NAA25: variants seen among roughly 807,000 people sequenced by gnomAD.
The protein encoded by NAA25 is N-alpha-acetyltransferase 25, NatB auxiliary subunit, also known as N-terminal acetyltransferase B complex subunit NAA25.
Under a neutral mutation model 132.5 loss-of-function variants are expected in NAA25, and 30 were observed. The observed-to-expected ratio is 0.23, with a 90% CI of 0.17 to 0.31. The LOEUF (loss-of-function observed/expected upper bound fraction) is 0.31. NAA25 is among the 10% of genes least tolerant of loss of function. The pLI is 1.00. For synonymous variants in NAA25, 359 were observed against 401.9 expected (o/e 0.89, Z 1.28); for missense variants, 771 against 1,150.4 (o/e 0.67, Z 4.77).
At chr12:112,107,974 C>T (rs1403590573) in intron 1 of NAA25, among the ~76,000 whole-genome samples, 1 of 152,124 alleles carries the variant, frequency 6.6e-6, no homozygotes, top group East Asian at 1.9e-4. Context: ...ATCTGCTTAG[C>T]ACAGGGAAGG....
intron 13 of NAA25, among the ~76,000 whole-genome samples, chr12:112,057,523 C>T (rs1032483934): frequency 6.6e-6 from 1 of 152,134 alleles, no homozygotes; most frequent in Non-Finnish European, 1.5e-5. Context: ...TCTCTGATGA[C>T]AAGGATTTCA....
chr12:112,107,393 G>T (rs73412716), intron 1 of NAA25, among the ~76,000 whole-genome samples: 20,482 of 147,746 alleles, frequency 0.14, 1,955 homozygotes, highest in African/African-American at 0.28. Context: ...TTTTTTTTTT[G>T]TTGTTGTTGT....
chr12:112,073,963 T>C (rs2078855400), intron 9 of NAA25, among the ~76,000 whole-genome samples: 1 of 152,074 alleles, frequency 6.6e-6, no homozygotes, highest in African/African-American at 2.4e-5. Flanking sequence ...ATGAAAGATG[T>C]TCAAGATATA....
chr12:112,040,404 C>A (rs1444772343), intron 21 of NAA25, 77 bp downstream of exon 21: 1 of 831,198 alleles, frequency 1.2e-6, no homozygotes, highest in Non-Finnish European at 2.0e-6. Context: ...GTGCCTATTA[C>A]CTGTTCACTG....
intron 5 of NAA25, among the ~76,000 whole-genome samples, chr12:112,079,957 C>T (rs894912128): frequency 7.2e-5 from 11 of 152,008 alleles, no homozygotes; most frequent in African/African-American, 2.2e-4. Context: ...TCCATGCTAC[C>T]CACAAATAAA....
Position 112,048,421 on chromosome 12 carries a change from G to C in NAA25, c.1751C>G (p.Ala584Gly). 1.2e-6 allele frequency: 2 copies of C among 1,613,842 alleles called. No homozygotes were observed. The highest frequency in any genetic ancestry group is 1.7e-6 in the Non-Finnish European group (2 of 1,179,802). The stretch of plus-strand genomic sequence containing the variant: ...CTTCTCAAATGCACCATATTTGTAA[G>C]CTTGAATAATATATTCTGAGGTCTG... ...QKDTSEYIIQ[A>G]YKYGAFEKIP... The change falls in exon 16 of 24, where the codon GCT becomes GGT. Residue 584 changes from alanine to glycine, a missense_variant. Ala to Gly is a moderately conservative substitution (Grantham distance 60). Transcript: ENST00000261745.
At chr12:112,062,342 T>C (rs989277032) in intron 11 of NAA25, among the ~76,000 whole-genome samples, 2 of 148,068 alleles carry the variant, frequency 1.4e-5, no homozygotes, top group Non-Finnish European at 3.0e-5. Flanking sequence ...CAGAGGTTGC[T>C]GTGAGCCAAG....
rs1197790472 is a variant in NAA25 at position 112,040,447 on chromosome 12, A to G, written c.2538+34T>C. 3 of 1,308,894 alleles carry G rather than the reference A, an allele frequency of 2.3e-6. No individual in the cohort carries two copies. The Admixed American group carries it at 5.3e-5, about 23-fold the overall frequency. 81.1% of individuals were successfully genotyped at this position (1,308,894 alleles called of 1,614,324 possible). On this transcript the variant is annotated intron_variant, in intron 21 of 23. Coordinates refer to ENST00000261745, the MANE Select transcript of NAA25 (RefSeq NM_024953.4). ...ATGAATCCTGTAGACCATTAAGAAC[A>G]ACAATGTCTTTTAGGAAGAGAACAA...
In NAA25 at chr12:112,054,466, C is replaced by G. The variant is rs2078514901; in HGVS notation, c.1550G>C (p.Cys517Ser). 1.2e-6 allele frequency: 2 copies of G among 1,614,118 alleles called. No individual in the cohort carries two copies. The highest frequency in any genetic ancestry group is 1.1e-5 in the South Asian group (1 of 91,084). The change falls in exon 14 of 24, where the codon TGT (cysteine) becomes TCT (serine). Residue 517 changes from cysteine (C) to serine (S), a missense_variant. Cys to Ser is a moderately radical substitution (Grantham distance 112, BLOSUM62 -1). This residue lies in a region of NAA25 where 417 missense variants were observed against 733.8 expected (regional missense o/e 0.57). Coordinates refer to ENST00000261745, the MANE Select transcript of NAA25 (RefSeq NM_024953.4). ...CACTGGTTCAAATGCACCCAGCATA[C>G]AGTAGATTCGAACAAGCAGCAATTT... ...QFKLLLVRIY[C>S]MLGAFEPVVD...
At chr12:112,047,564 C>T (rs562880834) in intron 17 of NAA25, 101 bp downstream of exon 17, 3 of 1,378,370 alleles carry the variant, frequency 2.2e-6, no homozygotes, top group Non-Finnish European at 3.0e-6. Flanking sequence ...ACTGCTTCAC[C>T]CAGGAGTTCG....
At position 112,048,318 on chromosome 12, in the gene NAA25, C is replaced by G; in HGVS notation, c.1854G>C (p.Leu618=). Residue 618 remains leucine (L), a synonymous_variant, in exon 16 of 24, where the codon CTG becomes CTC. Transcript: ENST00000261745. ...TATTTGCTTCAAGTAGAAGGTCTAA[C>G]AGCATCCGTTCAGTACGGACTTGTG... ...HFAQVRTERM[L]LDLLLEANIS... is the part of the protein sequence containing the mutation. The G allele has an allele frequency of 6.2e-7, 1 of 1,613,818 alleles. No individual in the cohort carries two copies. Among genetic ancestry groups the G allele is most frequent in the Non-Finnish European group, 8.5e-7 (1 of 1,179,826 alleles).
At chr12:112,047,874 A>G in intron 16 of NAA25, 84 bp from the exon 17 acceptor site, 1 of 1,349,156 alleles carries the variant, frequency 7.4e-7, no homozygotes, top group Admixed American at 2.2e-5. Context: ...GTTTTACTAG[A>G]CAGGAAGGGA....
At chr12:112,106,809 C>T (rs112028427) in intron 1 of NAA25, among the ~76,000 whole-genome samples, 7 of 151,762 alleles carry the variant, frequency 4.6e-5, no homozygotes, top group South Asian at 2.1e-4. Context: ...CAAAAATTAG[C>T]CGGCATGGTG....
At chr12:112,050,677 C>A (rs1231595537) in intron 15 of NAA25, among the ~76,000 whole-genome samples, 1 of 151,782 alleles carries the variant, frequency 6.6e-6, no homozygotes. Context: ...CGCCAACACA[C>A]CCAGATAATT....
chr12:112,070,724 C>T (rs1419707287), intron 10 of NAA25, among the ~76,000 whole-genome samples: 3 of 151,684 alleles, frequency 2.0e-5, no homozygotes, highest in African/African-American at 4.8e-5. Context: ...CACAGGTGCA[C>T]GACACCACGC....
At chr12:112,043,519 T>C in intron 18 of NAA25, 106 bp downstream of exon 18, 1 of 1,306,534 alleles carries the variant, frequency 7.7e-7, no homozygotes, top group Non-Finnish European at 1.1e-6. Context: ...AGCCATAAAC[T>C]GGGACAAAAC....
At chr12:112,104,992 G>A (rs1410860673) in intron 1 of NAA25, among the ~76,000 whole-genome samples, 1 of 151,784 alleles carries the variant, frequency 6.6e-6, no homozygotes, top group Admixed American at 6.6e-5. Context: ...ATTCCAGCCT[G>A]GGTGACAGAG....
chr12:112,045,826 C>T (rs948660549), intron 17 of NAA25, among the ~76,000 whole-genome samples: 1 of 151,876 alleles, frequency 6.6e-6, no homozygotes, highest in African/African-American at 2.4e-5. Flanking sequence ...ATAATACTTA[C>T]ACAACTTAAC....
In NAA25 at chr12:112,029,449, G is replaced by C; in HGVS notation, c.*82C>G. ...TGAGGAAGTTCTGGATTAAAATCAT[G>C]GTCAACCAGATGTTGCTTTTGCCTG... On this transcript the variant is annotated 3_prime_UTR_variant, in exon 24 of 24. Transcript: ENST00000261745. The C allele has an allele frequency of 1.3e-6, 2 of 1,592,434 alleles. No individual in the cohort carries two copies. Among genetic ancestry groups the C allele is most frequent in the Non-Finnish European group, 1.7e-6 (2 of 1,170,722 alleles).
Sources: allele counts gnomAD v4.1 joint callset (sites outside exome capture counted in the v4.1 genomes callset), GRCh38; gene constraint gnomAD v4.1.1; regional missense constraint gnomAD v4.1.1; transcripts MANE v1.5; gene names NCBI Gene and HGNC (gene_info 2026-07-23, HGNC 2026-07-21).